DISC1: variants seen among roughly 807,000 people sequenced by gnomAD.
DISC1 encodes disrupted in schizophrenia 1 protein.
A neutral mutation model predicts 84.5 loss-of-function variants in DISC1; 57 were observed. The observed-to-expected ratio is 0.67, with a 90% confidence interval of 0.55 to 0.84. The LOEUF (loss-of-function observed/expected upper bound fraction) is 0.84. DISC1 is among the 40% of genes least tolerant of loss of function. The pLI, the probability that DISC1 is intolerant of heterozygous loss-of-function variation, is 0.00. For missense variants in DISC1, 1,000 were observed against 1,057.8 expected, an observed-to-expected ratio of 0.95 and a Z score of 0.76; for synonymous variants, 411 against 415.2, an observed-to-expected ratio of 0.99 and a Z score of 0.12.
At chr1:231,874,443 G>A (rs552270912) in intron 9 of DISC1, among the ~76,000 whole-genome samples, 1 of 151,820 alleles carries the variant, frequency 6.6e-6, no homozygotes, top group Non-Finnish European at 1.5e-5. Flanking sequence ...ATAGGTGTGA[G>A]CCACCGCGCC....
chr1:231,969,854 G>T (rs905775385), intron 10 of DISC1, among the ~76,000 whole-genome samples: 1 of 151,894 alleles, frequency 6.6e-6, no homozygotes, highest in Admixed American at 6.6e-5. Flanking sequence ...ACCATGTTTG[G>T]TTTTTCGTCT....
intron 10 of DISC1, among the ~76,000 whole-genome samples, chr1:231,983,726 G>A (rs1421517318): frequency 6.6e-6 from 1 of 151,930 alleles, no homozygotes; most frequent in African/African-American, 2.4e-5. Flanking sequence ...TTAATACTGT[G>A]TCAGCTAGCA....
At chr1:231,772,130 T>G (rs1356153551) in intron 6 of DISC1, among the ~76,000 whole-genome samples, 1 of 151,946 alleles carries the variant, frequency 6.6e-6, no homozygotes, top group African/African-American at 2.4e-5. Context: ...TTTGTTTTTA[T>G]TTTTTTGTAG....
At position 231,626,897 on chromosome 1, in the gene DISC1, AGCC is replaced by A. The variant is rs1176824899; in HGVS notation, c.38_40del (p.Ala13del). 2 of 1,501,798 alleles carry A rather than the reference AGCC, an allele frequency of 1.3e-6. No individual in the cohort carries two copies. Among genetic ancestry groups the A allele is most frequent in the African/African-American group, 2.9e-5 (2 of 68,862 alleles). 93.0% of individuals were successfully genotyped at this position (1,501,798 alleles called of 1,614,324 possible). ...CAGGCGGGGGTCCTCAGGGCGCCCC[AGCC>A]GCCGCCGGCGGCGGCGGCGTGAGCC... is the stretch of plus-strand genomic sequence containing the variant. On this transcript the variant is annotated inframe_deletion, in exon 1 of 13. Coordinates refer to ENST00000439617, the MANE Select transcript of DISC1 (RefSeq NM_018662.3).
intron 11 of DISC1, among the ~76,000 whole-genome samples, chr1:232,020,586 C>T (rs1013872393): frequency 2.0e-5 from 3 of 152,110 alleles, no homozygotes; most frequent in Non-Finnish European, 4.4e-5. Flanking sequence ...TAAGGAAGCT[C>T]CATTTCTCTT....
intron 3 of DISC1, among the ~76,000 whole-genome samples, chr1:231,713,247 C>T (rs1025318381): frequency 3.3e-5 from 5 of 152,158 alleles, no homozygotes; most frequent in Middle Eastern, 3.4e-3. Flanking sequence ...TATCACAAGG[C>T]ATACAAAGGA....
chr1:231,755,152 G>A, intron 4 of DISC1, among the ~76,000 whole-genome samples: 1 of 151,688 alleles, frequency 6.6e-6, no homozygotes, highest in Non-Finnish European at 1.5e-5. Flanking sequence ...TGGTCTTCTT[G>A]CTACATTTCT....
chr1:231,754,297 T>C (rs2074911486), intron 4 of DISC1, among the ~76,000 whole-genome samples: 1 of 152,184 alleles, frequency 6.6e-6, no homozygotes, highest in Non-Finnish European at 1.5e-5. Flanking sequence ...AGAGGCTTAA[T>C]TGGCTCACTA....
intron 9 of DISC1, among the ~76,000 whole-genome samples, chr1:231,833,024 G>C (rs1258845855): frequency 1.5e-5 from 2 of 134,270 alleles, no homozygotes; most frequent in African/African-American, 5.7e-5. Context: ...TCACCAAGGA[G>C]GGAGTAGAGG....
At chr1:231,830,143 T>C (rs1434619910) in intron 9 of DISC1, among the ~76,000 whole-genome samples, 1 of 152,032 alleles carries the variant, frequency 6.6e-6, no homozygotes, top group Non-Finnish European at 1.5e-5. Flanking sequence ...AGTGTTGGGA[T>C]GGTGAAAAGT....
At chr1:231,930,221 T>G (rs1299547779) in intron 9 of DISC1, among the ~76,000 whole-genome samples, 7 of 152,202 alleles carry the variant, frequency 4.6e-5, no homozygotes, top group Admixed American at 2.6e-4. Context: ...CTTTAACCCT[T>G]GCGTTGTGCA....
chr1:231,745,460 A>G, intron 3 of DISC1: 2 of 227,936 alleles, frequency 8.8e-6, no homozygotes, highest in South Asian at 4.4e-5. Flanking sequence ...GACCTCAAGC[A>G]ATCCACCTGC....
At chr1:231,633,884 C>CTTTT (rs547057206) in intron 1 of DISC1, among the ~76,000 whole-genome samples, 1 of 135,442 alleles carries the variant, frequency 7.4e-6, no homozygotes, top group Non-Finnish European at 1.6e-5. Context: ...TACCTGTCAT[C>CTTTT]TTTTTTTTTT....
intron 11 of DISC1, among the ~76,000 whole-genome samples, chr1:232,022,466 C>G (rs1390592846): frequency 6.6e-6 from 1 of 152,120 alleles, no homozygotes; most frequent in East Asian, 1.9e-4. Flanking sequence ...CACCACCACA[C>G]CCAGCTAATT....
At chr1:231,861,269 C>A (rs1454665949) in intron 9 of DISC1, among the ~76,000 whole-genome samples, 3 of 151,276 alleles carry the variant, frequency 2.0e-5, no homozygotes, top group African/African-American at 7.3e-5. Context: ...AGGTTAAAAG[C>A]CTTTTCTGTC....
intron 9 of DISC1, among the ~76,000 whole-genome samples, chr1:231,863,583 G>A (rs1306775472): frequency 6.6e-6 from 1 of 152,068 alleles, no homozygotes; most frequent in Non-Finnish European, 1.5e-5. Flanking sequence ...AGGTAGATTC[G>A]AACCATTGCT....
intron 10 of DISC1, among the ~76,000 whole-genome samples, chr1:231,982,118 G>A (rs1663689549): frequency 6.6e-6 from 1 of 152,200 alleles, no homozygotes; most frequent in South Asian, 2.1e-4. Flanking sequence ...TACTATTAGA[G>A]AAGAGAGAGG....
intron 6 of DISC1, among the ~76,000 whole-genome samples, chr1:231,787,179 T>C (rs1209577417): frequency 6.6e-6 from 1 of 152,194 alleles, no homozygotes; most frequent in Non-Finnish European, 1.5e-5. Flanking sequence ...GCTGTTAGAT[T>C]GGGGCATGGG....
At chr1:231,766,266 G>A (rs1179852545) in intron 4 of DISC1, among the ~76,000 whole-genome samples, 3 of 143,602 alleles carry the variant, frequency 2.1e-5, no homozygotes, top group Non-Finnish European at 4.5e-5. Flanking sequence ...TTCCAGCCTG[G>A]GTGTCGCAGT....
Sources: gnomAD v4.1 joint callset for allele counts (sites outside exome capture counted in the v4.1 genomes callset) on GRCh38, gnomAD v4.1.1 for gene constraint, MANE v1.5 for transcripts, NCBI Gene and HGNC (gene_info 2026-07-23, HGNC 2026-07-21) for gene names.